NLGN1: variants seen among roughly 807,000 people sequenced by gnomAD.
NLGN1 encodes neuroligin-1.
A neutral mutation model predicts 65.5 loss-of-function variants in NLGN1; 12 were observed. The observed-to-expected ratio is 0.18, with a 90% CI of 0.12 to 0.30. NLGN1 has a LOEUF of 0.30. NLGN1 is among the 10% of genes least tolerant of loss of function. The pLI, the probability that NLGN1 is intolerant of heterozygous loss-of-function variation, is 1.00. For synonymous variants in NLGN1, 350 were observed against 359.5 expected, an observed-to-expected ratio of 0.97 and a Z score of 0.30; for missense variants, 750 against 1,007.1, an observed-to-expected ratio of 0.74 and a Z score of 3.46.
intron 4 of NLGN1, among the ~76,000 whole-genome samples, chr3:174,028,786 A>C (rs1729342930): frequency 6.6e-6 from 1 of 152,220 alleles, no homozygotes; most frequent in African/African-American, 2.4e-5. Context: ...ACAATGGGGA[A>C]AATGTCTCCA....
chr3:174,212,927 C>G (rs1181092567), intron 4 of NLGN1, among the ~76,000 whole-genome samples: 2 of 152,190 alleles, frequency 1.3e-5, no homozygotes, highest in South Asian at 4.1e-4. Flanking sequence ...TCATATCATA[C>G]CGCTCTGACC....
intron 2 of NLGN1, among the ~76,000 whole-genome samples, chr3:173,456,849 C>T (rs1722590010): frequency 6.6e-6 from 1 of 152,054 alleles, no homozygotes. Flanking sequence ...TTCCTTCAGT[C>T]TCCATAATCT....
chr3:173,896,480 C>G (rs1736379149), intron 4 of NLGN1, among the ~76,000 whole-genome samples: 1 of 152,116 alleles, frequency 6.6e-6, no homozygotes, highest in South Asian at 2.1e-4. Context: ...TACATTTCTC[C>G]TGTAGCAGTT....
intron 4 of NLGN1, among the ~76,000 whole-genome samples, chr3:174,024,552 A>C (rs1460592361): frequency 6.6e-6 from 1 of 152,218 alleles, no homozygotes; most frequent in African/African-American, 2.4e-5. Context: ...TTTTGTACAC[A>C]GGACTGTAAT....
rs1206509119 is a variant in NLGN1 at position 174,155,023 on chromosome 3, TA to T, written c.647-120288del. ...ATATTTATATATTGATATAAATATATAAAATTATAATAATATAATTTATATA... is the reference window on the plus strand; with the variant it reads ...ATATTTATATATTGATATAAATATATAAATTATAATAATATAATTTATATA... On this transcript the variant is annotated intron_variant, in intron 4 of 6. Transcript: ENST00000457714. Among the ~76,000 whole-genome samples the T allele has an allele frequency of 6.4e-5, 6 of 94,344 alleles. No homozygotes were observed. In the East Asian group the frequency reaches 1.6e-3, roughly 26 times the overall value. The allele number at this position is 94,344 out of a possible 152,430, so 61.9% of individuals were successfully genotyped here.
At chr3:173,816,004 ATAGT>A (rs201909898) in intron 4 of NLGN1, among the ~76,000 whole-genome samples, 3,543 of 148,472 alleles carry the variant, frequency 0.024, 166 homozygotes, top group African/African-American at 0.082. Context: ...ATTAATTATA[ATAGT>A]TAATTAAATA....
chr3:173,421,479 A>G (rs573569483), intron 1 of NLGN1, among the ~76,000 whole-genome samples: 1 of 151,506 alleles, frequency 6.6e-6, no homozygotes, highest in African/African-American at 2.4e-5. Context: ...AAAGTCCATT[A>G]TAGAAAAAGG....
chr3:174,026,045 T>C (rs1343488426), intron 4 of NLGN1, among the ~76,000 whole-genome samples: 1 of 152,224 alleles, frequency 6.6e-6, no homozygotes, highest in Admixed American at 6.5e-5. Context: ...TTATTGTGCA[T>C]TGAATGTATT....
At position 173,503,083 on chromosome 3, in the gene NLGN1, TGTG is replaced by T. The variant is rs1731420599; in HGVS notation, c.-321+68006_-321+68008del. Among the ~76,000 whole-genome samples, 10 of 146,290 alleles carry T rather than the reference TGTG, an allele frequency of 6.8e-5. No individual in the cohort carries two copies. The South Asian group carries it at 2.0e-3, about 29-fold the overall frequency. On this transcript the variant is annotated intron_variant, in intron 2 of 6. Coordinates refer to ENST00000457714, the Ensembl canonical transcript of NLGN1. ...ATATAGATGTATGTATATGGCATGT[TGTG>T]TGTGTGTGTGTGTGCGTGTGAGTGT...
At chr3:173,582,425 A>G (rs1002859925) in intron 2 of NLGN1, among the ~76,000 whole-genome samples, 1 of 151,810 alleles carries the variant, frequency 6.6e-6, no homozygotes. Context: ...ACTATCATAT[A>G]CTCTCTGTAA....
intron 3 of NLGN1, among the ~76,000 whole-genome samples, chr3:173,759,466 A>G (rs1303043540): frequency 1.3e-5 from 2 of 151,934 alleles, no homozygotes; most frequent in South Asian, 4.1e-4. Context: ...GAGTGGAGTC[A>G]CTGCTATGTA....
intron 2 of NLGN1, among the ~76,000 whole-genome samples, chr3:173,467,364 A>G (rs1724542822): frequency 6.6e-6 from 1 of 152,106 alleles, no homozygotes; most frequent in Non-Finnish European, 1.5e-5. Context: ...AACCTCATAT[A>G]TCTCTTTCTA....
intron 4 of NLGN1, among the ~76,000 whole-genome samples, chr3:174,098,157 G>T (rs1326697257): frequency 6.6e-6 from 1 of 152,144 alleles, no homozygotes; most frequent in Non-Finnish European, 1.5e-5. Flanking sequence ...GTTGCTACTT[G>T]CAGTAAAGCT....
intron 3 of NLGN1, among the ~76,000 whole-genome samples, chr3:173,770,655 T>G (rs897580136): frequency 6.6e-6 from 1 of 152,158 alleles, no homozygotes; most frequent in Non-Finnish European, 1.5e-5. Context: ...AAACAATTGA[T>G]TCACAGCTCT....
chr3:173,422,301 T>C (rs1348434958), intron 1 of NLGN1, among the ~76,000 whole-genome samples: 4 of 152,140 alleles, frequency 2.6e-5, no homozygotes, highest in African/African-American at 9.7e-5. Context: ...TACTTACTCA[T>C]ACGTGAGAGC....
chr3:173,460,566 G>T (rs1297402721), intron 2 of NLGN1, among the ~76,000 whole-genome samples: 5 of 152,154 alleles, frequency 3.3e-5, no homozygotes, highest in African/African-American at 1.2e-4. Flanking sequence ...TTGTGTTTTT[G>T]TTTTTTATCA....
intron 4 of NLGN1, among the ~76,000 whole-genome samples, chr3:173,844,826 A>G (rs1008958469): frequency 1.3e-5 from 2 of 152,228 alleles, no homozygotes; most frequent in Non-Finnish European, 2.9e-5. Context: ...TGAGTTACAC[A>G]GTGTACTAGA....
chr3:174,261,896 G>GTT (rs1746999647), intron 4 of NLGN1, among the ~76,000 whole-genome samples: 1 of 147,008 alleles, frequency 6.8e-6, no homozygotes, highest in African/African-American at 2.6e-5. Flanking sequence ...AGCGTGAAGC[G>GTT]TTGTTGAATT....
At chr3:174,050,573 GT>G (rs1219726632) in intron 4 of NLGN1, among the ~76,000 whole-genome samples, 2 of 152,002 alleles carry the variant, frequency 1.3e-5, no homozygotes, top group Non-Finnish European at 2.9e-5. Context: ...CATAAACTAA[GT>G]TATGTCACGT....
Sources: gnomAD v4.1 joint callset for allele counts (sites outside exome capture counted in the v4.1 genomes callset) on GRCh38, gnomAD v4.1.1 for gene constraint, MANE v1.5 for transcripts, NCBI Gene and HGNC (gene_info 2026-07-23, HGNC 2026-07-21) for gene names.